Variants in CLASP2 observed in about 807,000 individuals in gnomAD.
CLASP2 encodes the protein cytoplasmic linker associated protein 2.
In CLASP2, 47 loss-of-function variants were observed where a neutral mutation model predicts 194.4. That is an observed-to-expected ratio of 0.24 (90% CI 0.19 to 0.31). The LOEUF (loss-of-function observed/expected upper bound fraction) is 0.31, where lower values mean the gene tolerates loss of function less well. Among genes scored for constraint, CLASP2 ranks in the 10% least tolerant of loss-of-function variants. The pLI is 1.00. For missense variants in CLASP2, 1,445 were observed against 1,823.6 expected, an observed-to-expected ratio of 0.79 and a Z score of 3.78; for synonymous variants, 619 against 633.5, an observed-to-expected ratio of 0.98 and a Z score of 0.34.
chr3:33,526,443 T>C (rs1202678940), intron 34 of CLASP2, among the ~76,000 whole-genome samples: 14 of 152,284 alleles, frequency 9.2e-5, no homozygotes, highest in Admixed American at 9.2e-4. Flanking sequence ...ATCCTAAATA[T>C]ATATGCACCC....
intron 13 of CLASP2, among the ~76,000 whole-genome samples, chr3:33,610,751 C>A (rs1024372322): frequency 6.6e-6 from 1 of 152,146 alleles, no homozygotes; most frequent in African/African-American, 2.4e-5. Context: ...CTGTACAAAA[C>A]CAGACTATTG....
At chr3:33,530,686 T>C (rs1186562308) in intron 34 of CLASP2, among the ~76,000 whole-genome samples, 1 of 152,212 alleles carries the variant, frequency 6.6e-6, no homozygotes, top group South Asian at 2.1e-4. Flanking sequence ...TTTAGCTCCA[T>C]TTTAATCTTA....
In CLASP2 at chr3:33,602,973, C is replaced by A; in HGVS notation, c.1903G>T (p.Ala635Ser). ...TTACCTAGTGACGCATAGGAACCTGCATTCAGGGCACCTGCACCTAAGCGC... is the reference window on the plus strand; with the variant it reads ...TTACCTAGTGACGCATAGGAACCTGAATTCAGGGCACCTGCACCTAAGCGC... ...SGRLGAGALN[A>S]GSYASLEDTS... is the part of the protein sequence containing the mutation. Residue 635 changes from alanine to serine, a missense_variant, in exon 18 of 39, where the codon GCA (alanine) becomes TCA (serine). Physicochemically the swap from Ala to Ser is moderately conservative, Grantham distance 99. Transcript: ENST00000682230. The A allele has an allele frequency of 6.2e-7, 1 of 1,610,616 alleles. No individual in the cohort carries two copies. Among genetic ancestry groups the A allele is most frequent in the Non-Finnish European group, 8.5e-7 (1 of 1,178,310 alleles).
At chr3:33,673,918 T>A (rs547819890) in intron 6 of CLASP2, among the ~76,000 whole-genome samples, 1 of 152,102 alleles carries the variant, frequency 6.6e-6, no homozygotes, top group African/African-American at 2.4e-5. Flanking sequence ...ATGCACCCAA[T>A]ACAGGAGCAC....
At chr3:33,647,733 T>G (rs1217522324) in intron 7 of CLASP2, among the ~76,000 whole-genome samples, 1 of 152,144 alleles carries the variant, frequency 6.6e-6, no homozygotes, top group Non-Finnish European at 1.5e-5. Context: ...CTAGGCTAAC[T>G]ACTAAAAGAA....
chr3:33,594,651 C>A (rs1291067464), intron 20 of CLASP2, among the ~76,000 whole-genome samples: 2 of 150,738 alleles, frequency 1.3e-5, no homozygotes, highest in African/African-American at 4.9e-5. Flanking sequence ...AATGTCACTA[C>A]TATAAAAAAT....
chr3:33,528,743 C>T (rs2154122932), intron 34 of CLASP2, among the ~76,000 whole-genome samples: 1 of 151,494 alleles, frequency 6.6e-6, no homozygotes, highest in East Asian at 1.9e-4. Context: ...GCCTGGGTGA[C>T]AGAGCAAGAC....
chr3:33,544,872 A>G (rs779967287), intron 30 of CLASP2, 31 bp from the exon 31 acceptor site: 1 of 1,536,684 alleles, frequency 6.5e-7, no homozygotes, highest in South Asian at 1.3e-5. Context: ...GTAGATGAAT[A>G]TATTTTTGTT....
chr3:33,627,225 T>C (rs924220928), intron 9 of CLASP2, 145 bp from the exon 10 acceptor site: 4 of 664,100 alleles, frequency 6.0e-6, no homozygotes, highest in South Asian at 3.5e-5. Context: ...AAATACATTA[T>C]AGACAATAAT....
chr3:33,667,797 C>T lies in CLASP2; in HGVS notation c.645-4282G>A, dbSNP rs115762937. ...GGCACCTCTGACAAAAATCAACAGA[C>T]CAAAAATATGAGTTTATTTCAGTAT... On this transcript the variant is annotated intron_variant, in intron 6 of 38. Transcript: ENST00000682230. Among the ~76,000 whole-genome samples, 1,295 of 152,068 alleles carry T rather than the reference C, an allele frequency of 8.5e-3. 20 individuals are homozygous for T. The highest frequency in any genetic ancestry group is 0.028 in the African/African-American group (1,171 of 41,452).
Position 33,573,292 on chromosome 3 carries a change from G to A in CLASP2, c.2517C>T (p.Ser839=), listed in dbSNP as rs1174947507. 4.3e-6 allele frequency: 7 copies of A among 1,613,720 alleles called. No homozygotes were observed. Among genetic ancestry groups the A allele is most frequent in the African/African-American group, 1.3e-5 (1 of 75,030 alleles). The change falls in exon 25 of 39, where the codon AGC becomes AGT. Residue 839 remains serine, a synonymous_variant. Transcript: ENST00000682230. ...GTTCTGAACAAGCACTAGATGCATC[G>A]CTGTTGGCGTCATCATCTGAATGCA... ...YGMHSDDDAN[S]DASSACSERS... is the part of the protein sequence containing the mutation.
intron 27 of CLASP2, among the ~76,000 whole-genome samples, chr3:33,564,122 T>C (rs2062244934): frequency 2.0e-5 from 3 of 152,184 alleles, no homozygotes; most frequent in African/African-American, 7.2e-5. Flanking sequence ...CTCTAACACA[T>C]ACCATTTGAA....
At chr3:33,608,342 T>G (rs1340420901) in intron 14 of CLASP2, among the ~76,000 whole-genome samples, 1 of 152,196 alleles carries the variant, frequency 6.6e-6, no homozygotes, top group Non-Finnish European at 1.5e-5. Context: ...ATATAACCCA[T>G]TCTATTTGAG....
intron 37 of CLASP2, among the ~76,000 whole-genome samples, chr3:33,507,429 T>C (rs1317387760): frequency 1.3e-5 from 2 of 152,370 alleles, no homozygotes; most frequent in South Asian, 2.1e-4. Context: ...AAACTGACAG[T>C]TAAACTGAAG....
chr3:33,588,424 C>A (rs939547038), intron 21 of CLASP2, among the ~76,000 whole-genome samples: 4 of 152,154 alleles, frequency 2.6e-5, no homozygotes, highest in Non-Finnish European at 5.9e-5. Flanking sequence ...AGTTTTCAAA[C>A]TACCATTTTA....
chr3:33,684,127 C>T (rs1401017103), intron 6 of CLASP2, among the ~76,000 whole-genome samples: 2 of 151,642 alleles, frequency 1.3e-5, no homozygotes, highest in Non-Finnish European at 2.9e-5. Context: ...CGCCTCTAAT[C>T]CCAGCTACTC....
chr3:33,659,098 A>G (rs1436207242), intron 7 of CLASP2: 2 of 1,497,948 alleles, frequency 1.3e-6, no homozygotes, highest in South Asian at 2.6e-5. Context: ...AGACACCCGG[A>G]GCACTGTGTG....
At chr3:33,584,727 TAA>T (rs371484858) in intron 22 of CLASP2, 21 bp downstream of exon 22, 9,873 of 1,208,996 alleles carry the variant, frequency 8.2e-3, no homozygotes, top group South Asian at 0.019. Context: ...ATGTCTCACA[TAA>T]AAAAAAAAAA....
At chr3:33,644,320 T>G (rs545999614) in intron 8 of CLASP2, 1 of 168,394 alleles carries the variant, frequency 5.9e-6, no homozygotes, top group South Asian at 1.4e-4. Flanking sequence ...GTACCCAGTA[T>G]CTTCAACCAT....
Sources: allele counts gnomAD v4.1 joint callset (sites outside exome capture counted in the v4.1 genomes callset), GRCh38; gene constraint gnomAD v4.1.1; transcripts MANE v1.5; gene names NCBI Gene and HGNC (gene_info 2026-07-23, HGNC 2026-07-21).